The following CNTNAP5 variants were observed in gnomAD, a reference collection of about 807,000 sequenced individuals.
The protein encoded by CNTNAP5 is contactin associated protein family member 5, also known as contactin-associated protein-like 5.
In CNTNAP5, 72 loss-of-function variants were observed where a neutral mutation model predicts 150.2. The observed-to-expected ratio is 0.48, with a 90% CI of 0.40 to 0.58. The LOEUF (loss-of-function observed/expected upper bound fraction) is 0.58. Ranked by LOEUF, CNTNAP5 falls within the 20% of genes least tolerant of loss-of-function variation. The pLI, the probability that CNTNAP5 is intolerant of heterozygous loss-of-function variation, is 0.00. For synonymous variants in CNTNAP5, 672 were observed against 619.8 expected, an observed-to-expected ratio of 1.08 and a Z score of -1.25; for missense variants, 1,636 against 1,626.2, an observed-to-expected ratio of 1.01 and a Z score of -0.10.
chr2:124,675,494 T>C (rs193072064), intron 13 of CNTNAP5, among the ~76,000 whole-genome samples: 1 of 152,148 alleles, frequency 6.6e-6, no homozygotes, highest in South Asian at 2.1e-4. Context: ...ACTTGCCATT[T>C]TTCTACTTCT....
chr2:124,266,219 T>TG (rs1687603618), intron 3 of CNTNAP5, among the ~76,000 whole-genome samples: 2 of 152,206 alleles, frequency 1.3e-5, no homozygotes, highest in Non-Finnish European at 2.9e-5. Context: ...GACTTGGATC[T>TG]AAGTTTGAGG....
intron 2 of CNTNAP5, among the ~76,000 whole-genome samples, chr2:124,241,218 A>G (rs770049132): frequency 3.3e-5 from 5 of 152,202 alleles, no homozygotes; most frequent in Non-Finnish European, 7.3e-5. Flanking sequence ...CAACTAAGAG[A>G]GAACTCACAT....
In CNTNAP5 at chr2:124,446,631, T is replaced by C. The variant is rs193200596; in HGVS notation, c.734-122T>C. ...CCCAGGTCCAGCACAGTTCCAGGCC[T>C]GTAGGGAGACATCATTCTTTGCCTT... On this transcript the variant is annotated intron_variant, in intron 5 of 23. Coordinates refer to ENST00000682447, the MANE Select transcript of CNTNAP5 (RefSeq NM_001367498.1). 1.4e-4 allele frequency: 129 copies of C among 926,630 alleles called. 1 individual carries two copies. In the Admixed American group the frequency reaches 3.3e-3, roughly 23 times the overall value. 57.4% of individuals were successfully genotyped at this position (926,630 alleles called of 1,614,324 possible). A position where few individuals can be genotyped will look rare whatever the true frequency, so the allele number is the denominator to read the frequency against.
chr2:124,548,253 G>A (rs1432095307), intron 10 of CNTNAP5, among the ~76,000 whole-genome samples: 2 of 152,104 alleles, frequency 1.3e-5, no homozygotes, highest in Non-Finnish European at 2.9e-5. Context: ...ACGATGTCAG[G>A]GGCCAATTAA....
chr2:124,274,638 G>C (rs1294181747), intron 3 of CNTNAP5, among the ~76,000 whole-genome samples: 1 of 152,186 alleles, frequency 6.6e-6, no homozygotes, highest in Non-Finnish European at 1.5e-5. Context: ...TGGGACTCCA[G>C]ACGTGCAGAC....
intron 6 of CNTNAP5, among the ~76,000 whole-genome samples, chr2:124,473,434 A>T (rs1693565327): frequency 6.6e-6 from 1 of 152,076 alleles, no homozygotes; most frequent in Non-Finnish European, 1.5e-5. Flanking sequence ...AAATTAAAGT[A>T]GTTGTAAGTA....
intron 13 of CNTNAP5, among the ~76,000 whole-genome samples, chr2:124,714,982 C>A (rs1001218437): frequency 3.9e-5 from 6 of 152,072 alleles, no homozygotes; most frequent in African/African-American, 1.4e-4. Context: ...TTAGAAAGTA[C>A]AATTTCACAT....
chr2:124,511,800 A>G (rs879434670), intron 8 of CNTNAP5, among the ~76,000 whole-genome samples: 1 of 152,154 alleles, frequency 6.6e-6, no homozygotes, highest in Non-Finnish European at 1.5e-5. Flanking sequence ...GGAGTCAGAA[A>G]AGTAAACTTA....
intron 12 of CNTNAP5, among the ~76,000 whole-genome samples, chr2:124,621,945 C>T (rs1677623452): frequency 6.6e-6 from 1 of 151,830 alleles, no homozygotes; most frequent in Non-Finnish European, 1.5e-5. Context: ...AAACACTCTA[C>T]TTTCTTTTTT....
chr2:124,071,346 A>G (rs889529723), intron 1 of CNTNAP5, among the ~76,000 whole-genome samples: 1 of 151,972 alleles, frequency 6.6e-6, no homozygotes, highest in African/African-American at 2.4e-5. Context: ...AATAAATAAT[A>G]AAGATTGGGG....
chr2:124,331,493 G>A lies in CNTNAP5; in HGVS notation c.382-85950G>A, dbSNP rs142714573. ...CATATCAAATAACCTTAATTGGTTTGTTATCTCTGTTTTGTACCTTTAGGT... is the reference window on the plus strand; with the variant it reads ...CATATCAAATAACCTTAATTGGTTTATTATCTCTGTTTTGTACCTTTAGGT... On this transcript the variant is annotated intron_variant, in intron 3 of 23. Transcript: ENST00000682447. Among the ~76,000 whole-genome samples the A allele has an allele frequency of 4.5e-3, 687 of 151,844 alleles. 11 individuals carry two copies. Among genetic ancestry groups the A allele is most frequent in the African/African-American group, 0.015 (643 of 41,492 alleles).
rs184328405 is a variant in CNTNAP5 at position 124,525,473 on chromosome 2, T to C, written c.1477+1021T>C. Among the ~76,000 whole-genome samples, 5 of 152,328 alleles carry C rather than the reference T, an allele frequency of 3.3e-5. No homozygotes were observed. The East Asian group carries it at 5.8e-4, about 18-fold the overall frequency. ...CTACAGTTTCCTTATTTTTTTCCTA[T>C]TAGTAAATTGAAGAGAAGTATTGTA... On this transcript the variant is annotated intron_variant, in intron 9 of 23. Transcript: ENST00000682447.
At chr2:124,676,080 G>T (rs1678934413) in intron 13 of CNTNAP5, among the ~76,000 whole-genome samples, 1 of 152,108 alleles carries the variant, frequency 6.6e-6, no homozygotes, top group East Asian at 1.9e-4. Context: ...TCATTTTTGT[G>T]TGTGGCCACT....
intron 13 of CNTNAP5, among the ~76,000 whole-genome samples, chr2:124,687,175 T>C (rs1312521281): frequency 6.6e-6 from 1 of 152,046 alleles, no homozygotes; most frequent in Non-Finnish European, 1.5e-5. Context: ...ATTCTCTCCA[T>C]GCCAGTGTCT....
intron 3 of CNTNAP5, among the ~76,000 whole-genome samples, chr2:124,400,682 T>TTG (rs1553464861): frequency 1.3e-4 from 15 of 114,762 alleles, no homozygotes; most frequent in Admixed American, 8.5e-5. Context: ...TTTTTTTTTT[T>TTG]TTTTTTGTTT....
intron 3 of CNTNAP5, among the ~76,000 whole-genome samples, chr2:124,387,394 C>T (rs112535358): frequency 2.0e-3 from 299 of 152,336 alleles, no homozygotes; most frequent in African/African-American, 7.0e-3. Flanking sequence ...GACTACCAAA[C>T]AGGCTTTGTG....
intron 12 of CNTNAP5, among the ~76,000 whole-genome samples, chr2:124,629,249 G>T (rs1677795190): frequency 6.6e-6 from 1 of 152,112 alleles, no homozygotes; most frequent in Non-Finnish European, 1.5e-5. Context: ...CAAAGCAACA[G>T]AATATACATT....
intron 3 of CNTNAP5, among the ~76,000 whole-genome samples, chr2:124,391,489 C>G (rs1379111503): frequency 6.6e-6 from 1 of 152,200 alleles, no homozygotes; most frequent in Non-Finnish European, 1.5e-5. Flanking sequence ...CTCTCCTCAT[C>G]GTCTTCTCTA....
At chr2:124,310,235 C>A (rs1015921242) in intron 3 of CNTNAP5, among the ~76,000 whole-genome samples, 1 of 151,964 alleles carries the variant, frequency 6.6e-6, no homozygotes, top group Non-Finnish European at 1.5e-5. Flanking sequence ...TTAATGCTGG[C>A]ATATTGGGGC....
Sources: gnomAD v4.1 joint callset for allele counts (sites outside exome capture counted in the v4.1 genomes callset) on GRCh38, gnomAD v4.1.1 for gene constraint, MANE v1.5 for transcripts, NCBI Gene and HGNC (gene_info 2026-07-23, HGNC 2026-07-21) for gene names.